The following SCN7A variants were observed in gnomAD, a reference collection of about 807,000 sequenced individuals.
SCN7A encodes sodium voltage-gated channel alpha subunit 7, also known as sodium channel protein type 7 subunit alpha.
SCN7A carries 138 observed loss-of-function variants against 155.2 expected under a neutral mutation model. The ratio of observed to expected loss-of-function variants is 0.89; its 90% CI spans 0.77 to 1.02. The LOEUF (loss-of-function observed/expected upper bound fraction) is 1.02. Among genes scored for constraint, SCN7A ranks in the 50% least tolerant of loss-of-function variants. The probability of loss-of-function intolerance (pLI) is 0.00; values close to 1 mark genes in which losing one functional copy is unlikely to be tolerated. For synonymous variants in SCN7A, 693 were observed against 649.0 expected (o/e 1.07, Z -1.03); for missense variants, 2,058 against 1,986.6 (o/e 1.04, Z -0.68).
chr2:166,420,237 A>C (rs577842774), intron 20 of SCN7A, among the ~76,000 whole-genome samples: 2 of 152,200 alleles, frequency 1.3e-5, no homozygotes, highest in South Asian at 4.1e-4. Context: ...ATGGTTTCTT[A>C]ATTAATAACA....
chr2:166,441,173 A>AT (rs1701951589), intron 15 of SCN7A: 2 of 450,490 alleles, frequency 4.4e-6, no homozygotes, highest in Admixed American at 3.9e-5. Context: ...AGTTCACATC[A>AT]TTTTTTGTGT....
At chr2:166,445,915 C>A (rs1702053760) in intron 12 of SCN7A, among the ~76,000 whole-genome samples, 1 of 152,068 alleles carries the variant, frequency 6.6e-6, no homozygotes, top group Non-Finnish European at 1.5e-5. Flanking sequence ...AACCTAAAAC[C>A]ATAAAAACCT....
intron 21 of SCN7A, chr2:166,414,619 G>A (rs1341873742): frequency 6.3e-5 from 9 of 143,556 alleles, no homozygotes; most frequent in Non-Finnish European, 1.0e-4. Flanking sequence ...CATGGTCTGG[G>A]CTATAATATC....
intron 4 of SCN7A, 100 bp from the exon 5 acceptor site, chr2:166,473,988 GA>G (rs1479576354): frequency 1.6e-6 from 1 of 610,692 alleles, no homozygotes; most frequent in Non-Finnish European, 2.8e-6. Flanking sequence ...TAATCTTATT[GA>G]ACAACAATGG....
At position 166,432,665 on chromosome 2, in the gene SCN7A, G is replaced by T; in HGVS notation, c.2245C>A (p.Gln749Lys). Residue 749 changes from glutamine to lysine, a missense_variant, in exon 16 of 26, where the codon CAG (glutamine) becomes AAG (lysine). Transcript: ENST00000643258. ...TTTTTAATTCTTGCCACTGCAAGCT[G>T]GAGATTTTTTGCTTCATTATTCTCT... Reference protein sequence around the residue: ...AEENNEAKNLQLAVARIKKGI... With the variant: ...AEENNEAKNLKLAVARIKKGI... 6.2e-7 allele frequency: 1 copy of T among 1,607,198 alleles called. No individual in the cohort carries two copies.
At position 166,414,002 on chromosome 2, in the gene SCN7A, T is replaced by TATATATATATATATATATATATATAA. The variant is rs1443391022; in HGVS notation, c.3415-882_3415-881insTTATATATATATATATATATATATAT. On this transcript the variant is annotated intron_variant, in intron 21 of 25. Transcript: ENST00000643258. ...ATGTGTATATATATATATATATATA[T>TATATATATATATATATATATATATAA]AAATATACTATATATATGTAAATAT... Among the ~76,000 whole-genome samples, 34 of 90,294 alleles carry TATATATATATATATATATATATATAA rather than the reference T, an allele frequency of 3.8e-4. 2 individuals are homozygous for TATATATATATATATATATATATATAA. Among genetic ancestry groups the TATATATATATATATATATATATATAA allele is most frequent in the African/African-American group, 1.2e-3 (27 of 22,084 alleles). 59.2% of individuals were successfully genotyped at this position (90,294 alleles called of 152,430 possible). A position where few individuals can be genotyped will look rare whatever the true frequency, so the allele number is the denominator to read the frequency against.
intron 23 of SCN7A, among the ~76,000 whole-genome samples, chr2:166,412,135 A>G (rs903631714): frequency 6.6e-6 from 1 of 152,060 alleles, no homozygotes; most frequent in Admixed American, 6.6e-5. Context: ...CTAACTTTGA[A>G]AGATGTCCAT....
intron 9 of SCN7A, among the ~76,000 whole-genome samples, chr2:166,464,200 G>GTA (rs1464186349): frequency 2.6e-5 from 4 of 151,098 alleles, no homozygotes; most frequent in East Asian, 4.1e-4. Flanking sequence ...GTATGTGTGT[G>GTA]TATATATATA....
chr2:166,447,518 A>T (rs561254774), intron 12 of SCN7A, 94 bp downstream of exon 12: 1 of 758,986 alleles, frequency 1.3e-6, no homozygotes, highest in African/African-American at 1.8e-5. Flanking sequence ...TGTTATTACC[A>T]TCTAAGATTC....
chr2:166,483,930 C>A (rs781641738), intron 2 of SCN7A, among the ~76,000 whole-genome samples: 3 of 151,752 alleles, frequency 2.0e-5, no homozygotes, highest in Admixed American at 6.6e-5. Context: ...CAGGTGCAGC[C>A]ACTAAAAAAG....
At chr2:166,471,730 G>A (rs528620867) in intron 6 of SCN7A, among the ~76,000 whole-genome samples, 3 of 150,228 alleles carry the variant, frequency 2.0e-5, no homozygotes, top group Non-Finnish European at 3.0e-5. Context: ...AAATGTGGGG[G>A]GGGGGGTGGT....
At chr2:166,457,984 A>G (rs1392177409) in intron 10 of SCN7A, among the ~76,000 whole-genome samples, 1 of 152,200 alleles carries the variant, frequency 6.6e-6, no homozygotes, top group African/African-American at 2.4e-5. Context: ...ATGAGAAATA[A>G]TTTCTTGACC....
At chr2:166,463,127 C>G (rs182145835) in intron 9 of SCN7A, among the ~76,000 whole-genome samples, 1 of 152,192 alleles carries the variant, frequency 6.6e-6, no homozygotes, top group Admixed American at 6.5e-5. Context: ...CCCTTAGAAC[C>G]CATTATTTAA....
Position 166,413,054 on chromosome 2 carries a change from G to C in SCN7A, c.3468+14C>G. The C allele has an allele frequency of 6.6e-7, 1 of 1,510,190 alleles. No homozygotes were observed. Among genetic ancestry groups the C allele is most frequent in the Non-Finnish European group, 8.9e-7 (1 of 1,118,296 alleles). 93.5% of individuals were successfully genotyped at this position (1,510,190 alleles called of 1,614,324 possible). A position where few individuals can be genotyped will look rare whatever the true frequency, so the allele number is the denominator to read the frequency against. Reference sequence around the variant, plus strand: ...TGTATCCTAACAATGGCTTTAAAATGATATTATACTTACAGCAACAGAATC... The same window carrying C: ...TGTATCCTAACAATGGCTTTAAAATCATATTATACTTACAGCAACAGAATC... On this transcript the variant is annotated intron_variant, in intron 22 of 25. Transcript: ENST00000643258.
At chr2:166,443,232 C>A (rs746070193) in intron 14 of SCN7A, among the ~76,000 whole-genome samples, 9 of 152,088 alleles carry the variant, frequency 5.9e-5, no homozygotes, top group Non-Finnish European at 1.3e-4. Flanking sequence ...TCTTGCTTTC[C>A]AAAATGTACT....
chr2:166,421,743 A>G (rs1701515986), intron 19 of SCN7A, among the ~76,000 whole-genome samples: 1 of 152,094 alleles, frequency 6.6e-6, no homozygotes, highest in Non-Finnish European at 1.5e-5. Flanking sequence ...TATACATGAT[A>G]GGCTTTCAGA....
chr2:166,450,372 A>C (rs1343663065), intron 11 of SCN7A, among the ~76,000 whole-genome samples: 2 of 152,040 alleles, frequency 1.3e-5, no homozygotes, highest in Non-Finnish European at 1.5e-5. Flanking sequence ...ATCGCTCACT[A>C]CCTGGGTGAT....
At chr2:166,445,216 C>A (rs925863906) in intron 12 of SCN7A, among the ~76,000 whole-genome samples, 10 of 151,518 alleles carry the variant, frequency 6.6e-5, no homozygotes, top group African/African-American at 2.4e-4. Flanking sequence ...CTCGGGAGGC[C>A]GAGGGAGGAG....
chr2:166,444,310 G>A (rs1421045702), intron 13 of SCN7A, among the ~76,000 whole-genome samples: 1 of 152,146 alleles, frequency 6.6e-6, no homozygotes, highest in Non-Finnish European at 1.5e-5. Context: ...GGCTAAAATG[G>A]TAAGTTCCAA....
Sources: gnomAD v4.1 joint callset for allele counts (sites outside exome capture counted in the v4.1 genomes callset) on GRCh38, gnomAD v4.1.1 for gene constraint, MANE v1.5 for transcripts, NCBI Gene and HGNC (gene_info 2026-07-23, HGNC 2026-07-21) for gene names.